Variants in PTPRD observed in about 807,000 individuals in gnomAD.
PTPRD encodes the protein receptor-type tyrosine-protein phosphatase delta.
PTPRD carries 34 observed loss-of-function variants against 214.5 expected under a neutral mutation model. That is an observed-to-expected ratio of 0.16 (90% CI 0.12 to 0.21). The LOEUF (loss-of-function observed/expected upper bound fraction) is 0.21, where lower values mean the gene tolerates loss of function less well. PTPRD is among the 10% of genes least tolerant of loss of function. The probability of loss-of-function intolerance (pLI) is 1.00; values close to 1 mark genes in which losing one functional copy is unlikely to be tolerated. For missense variants in PTPRD, 2,545 were observed against 2,398.7 expected (o/e 1.06, Z -1.27); for synonymous variants, 1,128 against 845.7 (o/e 1.33, Z -5.79).
chr9:8,733,688 A>C (rs2098686003), intron 12 of PTPRD, 92 bp downstream of exon 12: 1 of 1,299,594 alleles, frequency 7.7e-7, no homozygotes, highest in African/African-American at 1.5e-5. Flanking sequence ...CTTCCAAAGG[A>C]AATGTATTCA....
At chr9:10,284,292 A>G (rs776292883) in intron 3 of PTPRD, among the ~76,000 whole-genome samples, 12 of 152,284 alleles carry the variant, frequency 7.9e-5, no homozygotes, top group Non-Finnish European at 1.6e-4. Flanking sequence ...TTAAATATTC[A>G]GGAAAGGTGC....
chr9:9,060,434 G>A (rs1347570855), intron 10 of PTPRD, among the ~76,000 whole-genome samples: 1 of 151,680 alleles, frequency 6.6e-6, no homozygotes, highest in Non-Finnish European at 1.5e-5. Context: ...TAGAATCTTG[G>A]GACAGAAGAA....
intron 35 of PTPRD, among the ~76,000 whole-genome samples, chr9:8,417,708 G>A (rs992801611): frequency 6.6e-6 from 1 of 152,066 alleles, no homozygotes; most frequent in Non-Finnish European, 1.5e-5. Flanking sequence ...TACTGTGAGA[G>A]AGACAGCTAC....
intron 36 of PTPRD, among the ~76,000 whole-genome samples, chr9:8,396,908 T>C (rs1360234972): frequency 3.3e-5 from 5 of 152,124 alleles, no homozygotes; most frequent in African/African-American, 1.2e-4. Flanking sequence ...TATTCACTGC[T>C]ACTCAAAAAA....
At chr9:8,973,658 C>T (rs963559269) in intron 11 of PTPRD, among the ~76,000 whole-genome samples, 3 of 152,070 alleles carry the variant, frequency 2.0e-5, no homozygotes, top group African/African-American at 7.2e-5. Flanking sequence ...TCTACAGTGG[C>T]TGAACTAATT....
intron 3 of PTPRD, among the ~76,000 whole-genome samples, chr9:10,046,065 C>T (rs2097387159): frequency 6.6e-6 from 1 of 151,710 alleles, no homozygotes; most frequent in Admixed American, 6.6e-5. Context: ...ATAATACCTT[C>T]CTTTAATTTG....
chr9:8,856,018 T>A (rs2097908825), intron 11 of PTPRD, among the ~76,000 whole-genome samples: 1 of 152,150 alleles, frequency 6.6e-6, no homozygotes, highest in Non-Finnish European at 1.5e-5. Context: ...TTATGGAATG[T>A]GGGAGGTAGG....
chr9:9,527,759 T>A (rs140235391), intron 8 of PTPRD, among the ~76,000 whole-genome samples: 16 of 152,304 alleles, frequency 1.1e-4, no homozygotes, highest in African/African-American at 3.6e-4. Flanking sequence ...CAGAAGTAAT[T>A]GGGAAATTTT....
At chr9:10,537,157 T>C (rs561373444) in intron 2 of PTPRD, among the ~76,000 whole-genome samples, 24 of 152,274 alleles carry the variant, frequency 1.6e-4, no homozygotes, top group African/African-American at 5.5e-4. Flanking sequence ...ATCTATCAGA[T>C]TATAATCACT....
At chr9:9,551,709 A>C (rs549968854) in intron 8 of PTPRD, among the ~76,000 whole-genome samples, 30 of 151,950 alleles carry the variant, frequency 2.0e-4, no homozygotes, top group Non-Finnish European at 3.1e-4. Flanking sequence ...TGCCAGTCCT[A>C]CTGCATATAG....
chr9:9,072,271 C>T (rs1270438006), intron 10 of PTPRD, among the ~76,000 whole-genome samples: 1 of 135,684 alleles, frequency 7.4e-6, no homozygotes, highest in African/African-American at 2.7e-5. Context: ...GAACAAAGAG[C>T]TGGCAACTTA....
At chr9:8,618,097 C>G (rs1024575248) in intron 14 of PTPRD, among the ~76,000 whole-genome samples, 7 of 152,118 alleles carry the variant, frequency 4.6e-5, no homozygotes, top group South Asian at 4.1e-4. Flanking sequence ...TTTCCGCAGT[C>G]TTAATTTGCA....
intron 11 of PTPRD, among the ~76,000 whole-genome samples, chr9:8,939,680 C>A (rs1311180927): frequency 6.6e-6 from 1 of 152,056 alleles, no homozygotes; most frequent in Non-Finnish European, 1.5e-5. Context: ...TTAACTATTT[C>A]TTTCCTTTTA....
intron 9 of PTPRD, among the ~76,000 whole-genome samples, chr9:9,340,731 T>A (rs1478976666): frequency 6.6e-6 from 1 of 152,180 alleles, no homozygotes; most frequent in Non-Finnish European, 1.5e-5. Context: ...CTTATAGGAA[T>A]TAATACCACC....
intron 12 of PTPRD, among the ~76,000 whole-genome samples, chr9:8,715,072 C>G (rs532782568): frequency 6.6e-6 from 1 of 151,588 alleles, no homozygotes; most frequent in Non-Finnish European, 1.5e-5. Flanking sequence ...AGAGAAAGCT[C>G]ACACTTCCAA....
intron 3 of PTPRD, among the ~76,000 whole-genome samples, chr9:10,073,453 G>A (rs2098072246): frequency 6.6e-6 from 1 of 152,034 alleles, no homozygotes; most frequent in Admixed American, 6.6e-5. Context: ...ACATGATAAT[G>A]AAAAACGGTA....
At chr9:9,932,794 A>C (rs1399005785) in intron 5 of PTPRD, among the ~76,000 whole-genome samples, 2 of 121,044 alleles carry the variant, frequency 1.7e-5, no homozygotes, top group Non-Finnish European at 3.5e-5. Flanking sequence ...CCAAAGTTGA[A>C]ATGAAGGAAA....
chr9:10,454,724 TC>T (rs1275283770), intron 2 of PTPRD, among the ~76,000 whole-genome samples: 5 of 151,736 alleles, frequency 3.3e-5, no homozygotes, highest in Non-Finnish European at 7.4e-5. Flanking sequence ...AATTGTTTCC[TC>T]TTGCCTTTGG....
At chr9:8,477,079 A>G (rs1038227776) in intron 30 of PTPRD, among the ~76,000 whole-genome samples, 3 of 152,088 alleles carry the variant, frequency 2.0e-5, no homozygotes, top group Non-Finnish European at 2.9e-5. Flanking sequence ...CTACAAATTC[A>G]TATCAACCAA....
Sources: allele counts gnomAD v4.1 joint callset (sites outside exome capture counted in the v4.1 genomes callset), GRCh38; gene constraint gnomAD v4.1.1; transcripts MANE v1.5; gene names NCBI Gene and HGNC (gene_info 2026-07-23, HGNC 2026-07-21).